GPC5: variants seen among roughly 807,000 people sequenced by gnomAD.
GPC5 encodes the protein glypican 5, also known as glypican-5.
GPC5 carries 47 observed loss-of-function variants against 53.9 expected under a neutral mutation model. The ratio of observed to expected loss-of-function variants is 0.87; its 90% CI spans 0.69 to 1.11. GPC5 has a LOEUF of 1.11. GPC5 is among the 50% of genes most tolerant of loss of function. The pLI is 0.00. For synonymous variants in GPC5, 286 were observed against 263.3 expected, an observed-to-expected ratio of 1.09 and a Z score of -0.84; for missense variants, 748 against 713.1, an observed-to-expected ratio of 1.05 and a Z score of -0.56.
intron 2 of GPC5, among the ~76,000 whole-genome samples, chr13:91,610,180 T>C (rs972760061): frequency 6.6e-6 from 1 of 152,194 alleles, no homozygotes; most frequent in African/African-American, 2.4e-5. Flanking sequence ...GTAGAAAGAT[T>C]ATGAATGCAT....
chr13:92,846,819 A>C (rs1290741265), intron 7 of GPC5, among the ~76,000 whole-genome samples: 1 of 152,340 alleles, frequency 6.6e-6, no homozygotes, highest in East Asian at 1.9e-4. Flanking sequence ...GAAAAACAGA[A>C]CTATGTGGAT....
chr13:91,659,075 A>G (rs1407711980), intron 2 of GPC5, among the ~76,000 whole-genome samples: 1 of 152,184 alleles, frequency 6.6e-6, no homozygotes, highest in Non-Finnish European at 1.5e-5. Flanking sequence ...ACCCAGCAGC[A>G]TTTGTTGAAT....
intron 7 of GPC5, among the ~76,000 whole-genome samples, chr13:92,713,770 T>G (rs1270304794): frequency 1.3e-5 from 2 of 152,120 alleles, no homozygotes; most frequent in South Asian, 4.1e-4. Flanking sequence ...ATTTCTTATT[T>G]AGACCTATAA....
rs189087523 is a variant in GPC5, at chr13:92,843,711, C to G, written c.1562-22571C>G. On this transcript the variant is annotated intron_variant, in intron 7 of 7. Transcript: ENST00000377067. ...ATACATGACTCATTGCTTCCAAACA[C>G]TATATGTGCATGACATTGTCTTTGT... 3.2e-4 allele frequency among the ~76,000 whole-genome samples: 49 copies of G among 152,230 alleles called. 1 individual carries two copies. Among genetic ancestry groups the G allele is most frequent in the Non-Finnish European group, 5.9e-5 (4 of 68,006 alleles).
At chr13:91,450,438 A>G (rs955273197) in intron 2 of GPC5, among the ~76,000 whole-genome samples, 1 of 152,002 alleles carries the variant, frequency 6.6e-6, no homozygotes, top group Non-Finnish European at 1.5e-5. Context: ...ATAGGTGGTC[A>G]TATGCTTAAA....
chr13:91,846,343 C>A (rs940246449), intron 5 of GPC5, among the ~76,000 whole-genome samples: 1 of 151,972 alleles, frequency 6.6e-6, no homozygotes, highest in African/African-American at 2.4e-5. Context: ...ATAGTACCGC[C>A]TTAAATGCTA....
At chr13:91,475,822 G>A (rs1202918120) in intron 2 of GPC5, among the ~76,000 whole-genome samples, 1 of 152,166 alleles carries the variant, frequency 6.6e-6, no homozygotes, top group African/African-American at 2.4e-5. Flanking sequence ...GTCTGTATTT[G>A]ATTGGTCAAA....
At chr13:92,709,220 T>A (rs375020987) in intron 7 of GPC5, among the ~76,000 whole-genome samples, 7 of 151,644 alleles carry the variant, frequency 4.6e-5, no homozygotes, top group East Asian at 3.9e-4. Flanking sequence ...CTAATTTTTT[T>A]TTTTTTTTTT....
intron 7 of GPC5, among the ~76,000 whole-genome samples, chr13:92,760,267 T>C (rs1003903108): frequency 6.6e-6 from 1 of 152,124 alleles, no homozygotes; most frequent in African/African-American, 2.4e-5. Context: ...GTATCACTTT[T>C]CCTTTGAAAG....
At chr13:92,100,350 C>G (rs749461489) in intron 6 of GPC5, among the ~76,000 whole-genome samples, 4 of 151,994 alleles carry the variant, frequency 2.6e-5, no homozygotes, top group Non-Finnish European at 5.9e-5. Flanking sequence ...TGCCGTGAGC[C>G]GAGATCACAG....
intron 2 of GPC5, among the ~76,000 whole-genome samples, chr13:91,600,111 C>T (rs558774826): frequency 1.4e-4 from 21 of 152,182 alleles, no homozygotes; most frequent in East Asian, 9.7e-4. Context: ...TTAGAGGAGA[C>T]GGGGTTTCAC....
intron 7 of GPC5, among the ~76,000 whole-genome samples, chr13:92,415,081 A>G (rs945271240): frequency 2.0e-5 from 3 of 152,214 alleles, no homozygotes; most frequent in African/African-American, 7.2e-5. Context: ...ACTGAAGGGA[A>G]TGAAAGAAGC....
At chr13:92,532,696 A>C (rs1208827347) in intron 7 of GPC5, among the ~76,000 whole-genome samples, 1 of 152,180 alleles carries the variant, frequency 6.6e-6, no homozygotes, top group Non-Finnish European at 1.5e-5. Context: ...AGCATGAACT[A>C]TATGAAGACT....
At position 92,756,971 on chromosome 13, in the gene GPC5, G is replaced by GA. The variant is rs1291199120; in HGVS notation, c.1562-109305dup. Among the ~76,000 whole-genome samples, 31 of 151,244 alleles carry GA rather than the reference G, an allele frequency of 2.0e-4. 1 individual carries two copies. The South Asian group carries it at 6.0e-3, about 29-fold the overall frequency. ...ACCAATGCCTTTCTTCACAGAATTG[G>GA]AAAAAACTATTTTAAAGTTCATATG... On this transcript the variant is annotated intron_variant, in intron 7 of 7. Transcript: ENST00000377067.
intron 5 of GPC5, among the ~76,000 whole-genome samples, chr13:91,789,728 C>T (rs561222058): frequency 3.3e-5 from 5 of 152,214 alleles, no homozygotes; most frequent in African/African-American, 1.2e-4. Context: ...TAACAGAATA[C>T]TTGAGACTGG....
intron 7 of GPC5, among the ~76,000 whole-genome samples, chr13:92,660,307 A>T (rs1886292098): frequency 1.3e-5 from 2 of 152,128 alleles, no homozygotes; most frequent in Non-Finnish European, 2.9e-5. Flanking sequence ...GATGATGAAC[A>T]TTATATTTCT....
chr13:92,040,194 C>A (rs1214286490), intron 6 of GPC5, among the ~76,000 whole-genome samples: 1 of 152,148 alleles, frequency 6.6e-6, no homozygotes, highest in African/African-American at 2.4e-5. Flanking sequence ...CAATTCCTAG[C>A]CAGGGCCACG....
chr13:92,428,282 T>G (rs1876927365), intron 7 of GPC5, among the ~76,000 whole-genome samples: 1 of 152,170 alleles, frequency 6.6e-6, no homozygotes, highest in South Asian at 2.1e-4. Context: ...CATCTTCATT[T>G]GGTTGTTTCG....
intron 7 of GPC5, among the ~76,000 whole-genome samples, chr13:92,218,495 A>G (rs1200262690): frequency 6.6e-6 from 1 of 152,190 alleles, no homozygotes; most frequent in Non-Finnish European, 1.5e-5. Context: ...TATGCCCTTC[A>G]AGGCTGAAGA....
Sources: gnomAD v4.1 joint callset for allele counts (sites outside exome capture counted in the v4.1 genomes callset) on GRCh38, gnomAD v4.1.1 for gene constraint, MANE v1.5 for transcripts, NCBI Gene and HGNC (gene_info 2026-07-23, HGNC 2026-07-21) for gene names.